The following NRXN1 variants were observed in gnomAD, a reference collection of about 807,000 sequenced individuals.
The protein encoded by NRXN1 is neurexin-1.
Under a neutral mutation model 150.9 loss-of-function variants are expected in NRXN1, and 39 were observed. That is an observed-to-expected ratio of 0.26 (90% CI 0.20 to 0.34). NRXN1 has a LOEUF of 0.34. Ranked by LOEUF, NRXN1 falls within the 10% of genes least tolerant of loss-of-function variation. The pLI is 1.00. For synonymous variants in NRXN1, 924 were observed against 757.0 expected, an observed-to-expected ratio of 1.22 and a Z score of -3.62; for missense variants, 1,815 against 1,949.9, an observed-to-expected ratio of 0.93 and a Z score of 1.30.
At chr2:50,047,626 G>C (rs1252475615) in intron 21 of NRXN1, among the ~76,000 whole-genome samples, 1 of 151,866 alleles carries the variant, frequency 6.6e-6, no homozygotes, top group Non-Finnish European at 1.5e-5. Flanking sequence ...CCTACATCTC[G>C]AATACTTTAC....
chr2:50,877,632 G>A (rs11901440), intron 5 of NRXN1, among the ~76,000 whole-genome samples: 1,837 of 151,920 alleles, frequency 0.012, 34 homozygotes, highest in African/African-American at 0.041. Flanking sequence ...TAAATCTGAA[G>A]GTTTCTTGAA....
intron 5 of NRXN1, among the ~76,000 whole-genome samples, chr2:50,777,576 A>T (rs1703819182): frequency 6.6e-6 from 1 of 152,182 alleles, no homozygotes; most frequent in Admixed American, 6.5e-5. Flanking sequence ...CCATAAAACC[A>T]AGCATTCCAT....
At chr2:50,840,565 C>T (rs770349741) in intron 5 of NRXN1, among the ~76,000 whole-genome samples, 3 of 152,090 alleles carry the variant, frequency 2.0e-5, no homozygotes. Flanking sequence ...ATTTCAATTA[C>T]GTACTTACTA....
chr2:50,947,490 T>G (rs1024525635), intron 2 of NRXN1, among the ~76,000 whole-genome samples: 1 of 152,018 alleles, frequency 6.6e-6, no homozygotes, highest in East Asian at 1.9e-4. Context: ...TCATAACCAT[T>G]CTTTTCCCAT....
rs184959891 is a variant in NRXN1 at position 50,565,561 on chromosome 2, T to C, written c.1321-12536A>G. ...GGGAACCAAAAAATATCCTGACATG[T>C]CTTCTGAGTTCTGAAAAGTCCTAAA... On this transcript the variant is annotated intron_variant, in intron 8 of 22. Coordinates refer to ENST00000401669, the MANE Select transcript of NRXN1 (RefSeq NM_001330078.2). Among the ~76,000 whole-genome samples, 20 of 152,310 alleles carry C rather than the reference T, an allele frequency of 1.3e-4. 1 individual carries two copies. The highest frequency in any genetic ancestry group is 4.6e-4 in the Admixed American group (7 of 15,294).
At chr2:51,016,553 G>A (rs1668692887) in intron 2 of NRXN1, among the ~76,000 whole-genome samples, 1 of 152,142 alleles carries the variant, frequency 6.6e-6, no homozygotes, top group Admixed American at 6.5e-5. Flanking sequence ...ACCACAATGA[G>A]ATACCATGTC....
At chr2:51,017,846 A>G (rs189334240) in intron 2 of NRXN1, among the ~76,000 whole-genome samples, 1 of 152,204 alleles carries the variant, frequency 6.6e-6, no homozygotes, top group African/African-American at 2.4e-5. Context: ...TCAATTTTTC[A>G]CCAAAGTTAA....
intron 18 of NRXN1, among the ~76,000 whole-genome samples, chr2:50,156,932 A>G (rs2059057484): frequency 6.6e-6 from 1 of 152,058 alleles, no homozygotes; most frequent in African/African-American, 2.4e-5. Context: ...AAATGCTAAA[A>G]GAACAATAAC....
At position 50,553,237 on chromosome 2, in the gene NRXN1, T is replaced by C. The variant is rs13029649; in HGVS notation, c.1321-212A>G. Among the ~76,000 whole-genome samples the C allele has an allele frequency of 0.13, 19,342 of 152,274 alleles. 1,405 individuals are homozygous for C. Among genetic ancestry groups the C allele is most frequent in the African/African-American group, 0.19 (8,086 of 41,558 alleles). Reference sequence around the variant, plus strand: ...ACAACTTAACTTGATTCAAATAATGTGTGTGCAGATGCACCCGCGCATGTG... The same window carrying C: ...ACAACTTAACTTGATTCAAATAATGCGTGTGCAGATGCACCCGCGCATGTG... On this transcript the variant is annotated intron_variant, in intron 8 of 22. Coordinates refer to ENST00000401669, the MANE Select transcript of NRXN1 (RefSeq NM_001330078.2).
At chr2:50,494,884 A>G (rs549484269) in intron 15 of NRXN1, among the ~76,000 whole-genome samples, 1 of 152,078 alleles carries the variant, frequency 6.6e-6, no homozygotes, top group African/African-American at 2.4e-5. Flanking sequence ...ACACAAAATT[A>G]GCCGGGCGTG....
intron 17 of NRXN1, among the ~76,000 whole-genome samples, chr2:50,302,248 T>C (rs2074223483): frequency 3.3e-5 from 5 of 152,154 alleles, no homozygotes. Flanking sequence ...GAAGTTTCTT[T>C]TTTGCAGAGA....
chr2:50,969,542 G>C (rs898593823), intron 2 of NRXN1, among the ~76,000 whole-genome samples: 1 of 152,090 alleles, frequency 6.6e-6, no homozygotes, highest in East Asian at 1.9e-4. Flanking sequence ...ACTGGAAATA[G>C]AAAGTATAAA....
intron 2 of NRXN1, among the ~76,000 whole-genome samples, chr2:50,932,507 T>C (rs1687906920): frequency 6.6e-6 from 1 of 152,016 alleles, no homozygotes; most frequent in East Asian, 1.9e-4. Context: ...TAATATCATA[T>C]GTTCCCACTT....
chr2:50,043,977 A>G (rs1691418625), intron 21 of NRXN1, among the ~76,000 whole-genome samples: 2 of 152,150 alleles, frequency 1.3e-5, no homozygotes, highest in South Asian at 4.1e-4. Flanking sequence ...ATGAAAAAAA[A>G]GGGAGAAAGA....
At chr2:50,982,922 A>C (rs1697067095) in intron 2 of NRXN1, among the ~76,000 whole-genome samples, 1 of 152,050 alleles carries the variant, frequency 6.6e-6, no homozygotes, top group Non-Finnish European at 1.5e-5. Context: ...CCTGAGAGTC[A>C]TGAACCACTT....
chr2:50,808,681 C>CT, intron 5 of NRXN1, among the ~76,000 whole-genome samples: 1 of 152,174 alleles, frequency 6.6e-6, no homozygotes, highest in Middle Eastern at 3.4e-3. Context: ...TACTTGGCCT[C>CT]TGATAATTTT....
At chr2:50,273,197 T>A (rs1033263678) in intron 17 of NRXN1, among the ~76,000 whole-genome samples, 1 of 152,162 alleles carries the variant, frequency 6.6e-6, no homozygotes, top group Non-Finnish European at 1.5e-5. Context: ...TGGATTCAAA[T>A]ACATTGGAGG....
intron 17 of NRXN1, among the ~76,000 whole-genome samples, chr2:50,357,285 C>A (rs899276067): frequency 7.8e-5 from 11 of 140,882 alleles, no homozygotes; most frequent in Admixed American, 3.5e-4. Context: ...ATAAATAATA[C>A]ATTTATTTAT....
At chr2:50,039,663 C>T (rs767132070) in intron 21 of NRXN1, among the ~76,000 whole-genome samples, 3 of 152,044 alleles carry the variant, frequency 2.0e-5, no homozygotes, top group South Asian at 2.1e-4. Context: ...AGATACACAT[C>T]GAGATCCCTT....
Sources: gnomAD v4.1 joint callset for allele counts (sites outside exome capture counted in the v4.1 genomes callset) on GRCh38, gnomAD v4.1.1 for gene constraint, MANE v1.5 for transcripts, NCBI Gene and HGNC (gene_info 2026-07-23, HGNC 2026-07-21) for gene names.